The following CPA6 variants were observed in gnomAD, a reference collection of about 807,000 sequenced individuals.
CPA6 encodes carboxypeptidase A6.
Under a neutral mutation model 63.3 loss-of-function variants are expected in CPA6, and 58 were observed. The observed-to-expected ratio is 0.92, with a 90% CI of 0.74 to 1.14. CPA6 has a LOEUF of 1.14. Ranked by LOEUF, CPA6 falls within the 50% of genes most tolerant of loss-of-function variation. The pLI, the probability that CPA6 is intolerant of heterozygous loss-of-function variation, is 0.00. For missense variants in CPA6, 565 were observed against 526.6 expected (o/e 1.07, Z -0.71); for synonymous variants, 185 against 179.0 (o/e 1.03, Z -0.27).
chr8:67,745,886 GA>G (rs751585743), intron 1 of CPA6, 127 bp downstream of exon 1: 4 of 571,294 alleles, frequency 7.0e-6, no homozygotes, highest in Non-Finnish European at 1.2e-5. Flanking sequence ...ATTTTATATA[GA>G]GGACCGTGAA....
At chr8:67,688,779 C>T (rs1325035317) in intron 1 of CPA6, among the ~76,000 whole-genome samples, 1 of 152,004 alleles carries the variant, frequency 6.6e-6, no homozygotes, top group East Asian at 1.9e-4. Context: ...CTTTTTCTGT[C>T]CACCCATTCC....
intron 2 of CPA6, among the ~76,000 whole-genome samples, chr8:67,608,221 T>C (rs1171358698): frequency 6.6e-6 from 1 of 152,226 alleles, no homozygotes; most frequent in Non-Finnish European, 1.5e-5. Flanking sequence ...CCCACGGCCC[T>C]AAATGAGAAC....
At position 67,634,996 on chromosome 8, in the gene CPA6, C is replaced by T. The variant is rs145541523; in HGVS notation, c.117-10745G>A. Among the ~76,000 whole-genome samples, 901 of 151,476 alleles carry T rather than the reference C, an allele frequency of 5.9e-3. 51 individuals carry two copies. The highest frequency in any genetic ancestry group is 0.021 in the African/African-American group (842 of 40,830). Reference sequence around the variant, plus strand: ...TCAACCTCTCAGGCTCAAGCATCCTCCTGTCTCAGCCTCCCAGGTAGCTAG... The same window carrying T: ...TCAACCTCTCAGGCTCAAGCATCCTTCTGTCTCAGCCTCCCAGGTAGCTAG... On this transcript the variant is annotated intron_variant, in intron 1 of 10. Coordinates refer to ENST00000297770, the MANE Select transcript of CPA6 (RefSeq NM_020361.5).
rs1007305743 is a variant in CPA6 at position 67,681,200 on chromosome 8, C to CTTTTTTTTTTTTTT, written c.117-56963_117-56950dup. On this transcript the variant is annotated intron_variant, in intron 1 of 10. Coordinates refer to ENST00000297770, the MANE Select transcript of CPA6 (RefSeq NM_020361.5). ...CTCAACCCAAGGTCACAAAGATTTT[C>CTTTTTTTTTTTTTT]TTTTTTTTTTTTTTTTTTTTGAGAC... Among the ~76,000 whole-genome samples, 198 of 89,872 alleles carry CTTTTTTTTTTTTTT rather than the reference C, an allele frequency of 2.2e-3. 42 individuals are homozygous for CTTTTTTTTTTTTTT. The highest frequency in any genetic ancestry group is 0.012 in the Middle Eastern group (2 of 172). 59.0% of individuals were successfully genotyped at this position (89,872 alleles called of 152,430 possible). A position where few individuals can be genotyped will look rare whatever the true frequency, so the allele number is the denominator to read the frequency against.
chr8:67,672,125 C>T (rs770509520), intron 1 of CPA6, among the ~76,000 whole-genome samples: 13 of 152,216 alleles, frequency 8.5e-5, no homozygotes, highest in Middle Eastern at 3.4e-3. Context: ...CCACCGCACC[C>T]GGCCTTCTCA....
chr8:67,507,334 C>T (rs1811951616), intron 5 of CPA6, among the ~76,000 whole-genome samples: 1 of 151,982 alleles, frequency 6.6e-6, no homozygotes, highest in African/African-American at 2.4e-5. Context: ...TTTCTCTTTC[C>T]ATCCCAAGGA....
chr8:67,633,597 C>T (rs144209610), intron 1 of CPA6, among the ~76,000 whole-genome samples: 3,976 of 149,756 alleles, frequency 0.027, 171 homozygotes, highest in African/African-American at 0.089. Context: ...AGGAGAATGG[C>T]GTGAACCAGG....
chr8:67,686,429 C>T (rs1196766538), intron 1 of CPA6, among the ~76,000 whole-genome samples: 2 of 152,182 alleles, frequency 1.3e-5, no homozygotes, highest in Non-Finnish European at 2.9e-5. Context: ...TGACAAAAAC[C>T]TCTTTTATTA....
intron 2 of CPA6, among the ~76,000 whole-genome samples, chr8:67,524,635 C>G (rs1812325977): frequency 6.9e-6 from 1 of 145,812 alleles, no homozygotes; most frequent in Non-Finnish European, 1.5e-5. Context: ...TTTTGCAAAT[C>G]AGGTCACATT....
chr8:67,745,288 T>C (rs1007940488), intron 1 of CPA6, among the ~76,000 whole-genome samples: 7 of 152,208 alleles, frequency 4.6e-5, no homozygotes, highest in African/African-American at 1.7e-4. Context: ...CCCCTGCATA[T>C]GTGAGCAAAT....
At chr8:67,512,391 A>G (rs1812060458) in intron 3 of CPA6, among the ~76,000 whole-genome samples, 1 of 152,238 alleles carries the variant, frequency 6.6e-6, no homozygotes, top group African/African-American at 2.4e-5. Flanking sequence ...AAACTGAAGA[A>G]ATACCCAGAG....
chr8:67,622,840 T>C (rs2128986757), intron 2 of CPA6, among the ~76,000 whole-genome samples: 1 of 152,354 alleles, frequency 6.6e-6, no homozygotes, highest in Non-Finnish European at 1.5e-5. Context: ...TAATCTGCTT[T>C]GCTGTCCATT....
chr8:67,698,789 C>A (rs961683560), intron 1 of CPA6, among the ~76,000 whole-genome samples: 3 of 152,102 alleles, frequency 2.0e-5, no homozygotes, highest in African/African-American at 7.2e-5. Flanking sequence ...GGCAATGACA[C>A]CTCTATACTA....
chr8:67,661,190 T>TC (rs1816100174), intron 1 of CPA6, among the ~76,000 whole-genome samples: 1 of 151,938 alleles, frequency 6.6e-6, no homozygotes, highest in Non-Finnish European at 1.5e-5. Flanking sequence ...AAGGAAGGTG[T>TC]AATTGAGAAG....
intron 2 of CPA6, among the ~76,000 whole-genome samples, chr8:67,554,902 C>T (rs1813025781): frequency 6.6e-6 from 1 of 152,120 alleles, no homozygotes; most frequent in Non-Finnish European, 1.5e-5. Context: ...AGTCCACTGA[C>T]TCACATGCCA....
At chr8:67,542,918 A>G (rs1812737375) in intron 2 of CPA6, among the ~76,000 whole-genome samples, 1 of 152,012 alleles carries the variant, frequency 6.6e-6, no homozygotes, top group South Asian at 2.1e-4. Context: ...GCCCTCCATC[A>G]CCCCTTTCCA....
Position 67,424,201 on chromosome 8 carries a change from T to C in CPA6, c.1127-1510A>G, listed in dbSNP as rs184456634. Among the ~76,000 whole-genome samples the C allele has an allele frequency of 4.7e-3, 722 of 152,262 alleles. 8 individuals carry two copies. The highest frequency in any genetic ancestry group is 0.017 in the African/African-American group (688 of 41,534). ...GGCTCCCAGTGATTCTACATTATGG[T>C]GAATTACATAATTATTTCATTATAT... On this transcript the variant is annotated intron_variant, in intron 10 of 10. Coordinates refer to ENST00000297770, the MANE Select transcript of CPA6 (RefSeq NM_020361.5).
At chr8:67,607,317 C>T (rs1814692656) in intron 2 of CPA6, among the ~76,000 whole-genome samples, 2 of 150,992 alleles carry the variant, frequency 1.3e-5, no homozygotes, top group African/African-American at 2.4e-5. Context: ...CCATGCCTTT[C>T]CACCTCTCTT....
intron 2 of CPA6, among the ~76,000 whole-genome samples, chr8:67,571,710 T>C (rs1384752715): frequency 1.3e-5 from 2 of 152,240 alleles, no homozygotes; most frequent in East Asian, 3.9e-4. Flanking sequence ...AGAGGAAAGT[T>C]TGTAGCAAAA....
Sources: gnomAD v4.1 joint callset for allele counts (sites outside exome capture counted in the v4.1 genomes callset) on GRCh38, gnomAD v4.1.1 for gene constraint, MANE v1.5 for transcripts, NCBI Gene and HGNC (gene_info 2026-07-23, HGNC 2026-07-21) for gene names.